Variants in PID1 observed in about 807,000 individuals in gnomAD.
PID1 encodes PTB-containing, cubilin and LRP1-interacting protein.
In PID1, 10 loss-of-function variants were observed where a neutral mutation model predicts 19.1. The ratio of observed to expected loss-of-function variants is 0.52; its 90% CI spans 0.32 to 0.89. The LOEUF (loss-of-function observed/expected upper bound fraction) is 0.89. Among genes scored for constraint, PID1 ranks in the 40% least tolerant of loss-of-function variants. The probability of loss-of-function intolerance (pLI) is 0.03; values close to 1 mark genes in which losing one functional copy is unlikely to be tolerated. For synonymous variants in PID1, 130 were observed against 116.0 expected (o/e 1.12, Z -0.78); for missense variants, 248 against 285.3 (o/e 0.87, Z 0.94).
In PID1 at chr2:229,205,989, C is replaced by A. The variant is rs535936875; in HGVS notation, c.31-50025G>T. Reference sequence around the variant, plus strand: ...CCTGACAAATAAGAGACAAATTATGCCCCGTGAGAAAACTTGGAGAATGAA... The same window carrying A: ...CCTGACAAATAAGAGACAAATTATGACCCGTGAGAAAACTTGGAGAATGAA... On this transcript the variant is annotated intron_variant, in intron 1 of 2. Coordinates refer to ENST00000392055, the MANE Select transcript of PID1 (RefSeq NM_001100818.2). Among the ~76,000 whole-genome samples the A allele has an allele frequency of 3.0e-4, 46 of 152,178 alleles. No homozygotes were observed. The South Asian group carries it at 5.6e-3, about 19-fold the overall frequency.
intron 1 of PID1, among the ~76,000 whole-genome samples, chr2:229,173,492 C>T (rs1690751675): frequency 6.6e-6 from 1 of 152,160 alleles, no homozygotes; most frequent in Non-Finnish European, 1.5e-5. Flanking sequence ...AATCCTACTG[C>T]TGGGTTATTC....
intron 2 of PID1, among the ~76,000 whole-genome samples, chr2:229,103,779 A>T (rs1038509709): frequency 1.3e-5 from 2 of 151,886 alleles, no homozygotes; most frequent in Non-Finnish European, 2.9e-5. Flanking sequence ...GGCTTTCACC[A>T]TCTTGGCCAG....
At chr2:229,233,776 G>A (rs1391019110) in intron 1 of PID1, among the ~76,000 whole-genome samples, 2 of 152,188 alleles carry the variant, frequency 1.3e-5, no homozygotes, top group Admixed American at 6.5e-5. Context: ...ACAGGTGTGA[G>A]CCACCACACC....
At chr2:229,234,326 T>C (rs993728671) in intron 1 of PID1, among the ~76,000 whole-genome samples, 1 of 151,008 alleles carries the variant, frequency 6.6e-6, no homozygotes, top group African/African-American at 2.4e-5. Context: ...GTGGGTCCAG[T>C]GTAATTCAAG....
chr2:229,139,146 A>AAAGCAAGCAAGC (rs1273377953), intron 2 of PID1, among the ~76,000 whole-genome samples: 9 of 109,036 alleles, frequency 8.3e-5, no homozygotes, highest in African/African-American at 3.3e-4. Context: ...AGAAAGAAAG[A>AAAGCAAGCAAGC]AAGCAAGCGA....
chr2:229,207,305 G>A (rs1436280027), intron 1 of PID1, among the ~76,000 whole-genome samples: 2 of 151,832 alleles, frequency 1.3e-5, no homozygotes, highest in Non-Finnish European at 2.9e-5. Flanking sequence ...ATAAAACCAT[G>A]AGGCCATAAG....
chr2:229,086,171 T>C (rs2106214907), intron 2 of PID1, among the ~76,000 whole-genome samples: 1 of 152,234 alleles, frequency 6.6e-6, no homozygotes, highest in Middle Eastern at 3.4e-3. Flanking sequence ...AAATTTCTAT[T>C]ACAGAAGCTC....
chr2:229,233,002 A>G (rs759511438), intron 1 of PID1, among the ~76,000 whole-genome samples: 7 of 152,104 alleles, frequency 4.6e-5, no homozygotes, highest in Non-Finnish European at 7.4e-5. Flanking sequence ...AAACAAGTGA[A>G]CAAGTGTGTG....
chr2:229,168,923 C>T (rs566607409), intron 1 of PID1, among the ~76,000 whole-genome samples: 1 of 152,284 alleles, frequency 6.6e-6, no homozygotes, highest in Admixed American at 6.5e-5. Context: ...CTAGCATTAG[C>T]TTGTCCTTAA....
chr2:229,243,941 A>G (rs1689938405), intron 1 of PID1, among the ~76,000 whole-genome samples: 1 of 152,046 alleles, frequency 6.6e-6, no homozygotes. Flanking sequence ...TTAAAAAATC[A>G]TCTTATCTTG....
At chr2:229,098,218 G>C (rs1399697635) in intron 2 of PID1, among the ~76,000 whole-genome samples, 2 of 152,138 alleles carry the variant, frequency 1.3e-5, no homozygotes, top group Non-Finnish European at 2.9e-5. Flanking sequence ...AAAGAAGCTT[G>C]GACAATTATC....
intron 1 of PID1, among the ~76,000 whole-genome samples, chr2:229,263,816 C>A (rs1190221104): frequency 6.6e-6 from 1 of 152,198 alleles, no homozygotes; most frequent in Non-Finnish European, 1.5e-5. Context: ...GACCCTACAA[C>A]CAGTCTGCTG....
At chr2:229,243,633 G>A (rs1454422905) in intron 1 of PID1, among the ~76,000 whole-genome samples, 1 of 152,026 alleles carries the variant, frequency 6.6e-6, no homozygotes, top group Non-Finnish European at 1.5e-5. Flanking sequence ...CATTCTACAG[G>A]TACGTGGCAT....
intron 1 of PID1, among the ~76,000 whole-genome samples, chr2:229,266,485 CA>C (rs920719656): frequency 1.3e-5 from 2 of 152,192 alleles, no homozygotes; most frequent in South Asian, 2.1e-4. Flanking sequence ...CCCACTGCTT[CA>C]GCAAGAAATA....
rs1222690402 is a variant in PID1 at position 229,092,215 on chromosome 2, T to C, written c.177+63603A>G. ...TCAGTTCAATCTTTAAGCATTTCTT[T>C]AGTGCCTGGTCATCCAAGGGTCTCC... is the stretch of plus-strand genomic sequence containing the variant. On this transcript the variant is annotated intron_variant, in intron 2 of 2. Coordinates refer to ENST00000392055, the MANE Select transcript of PID1 (RefSeq NM_001100818.2). 2.7e-5 allele frequency among the ~76,000 whole-genome samples: 3 copies of C among 112,070 alleles called. 1 individual carries two copies. The highest frequency in any genetic ancestry group is 5.1e-5 in the Non-Finnish European group (3 of 58,974). 73.5% of individuals were successfully genotyped at this position (112,070 alleles called of 152,430 possible).
chr2:229,225,821 C>T (rs1352935851), intron 1 of PID1, among the ~76,000 whole-genome samples: 1 of 152,090 alleles, frequency 6.6e-6, no homozygotes, highest in Non-Finnish European at 1.5e-5. Flanking sequence ...CCCTATAAAA[C>T]CATCAGATCT....
Position 229,223,971 on chromosome 2 carries a change from T to G in PID1, c.30+47043A>C, listed in dbSNP as rs552760681. Among the ~76,000 whole-genome samples, 17 of 152,292 alleles carry G rather than the reference T, an allele frequency of 1.1e-4. No individual in the cohort carries two copies. The South Asian group carries it at 3.3e-3, about 30-fold the overall frequency. ...TTTGAAGACCCCAGTCTCTACTGTTTCCACCTTTATGTCCATATGTACCCA... is the reference window on the plus strand; with the variant it reads ...TTTGAAGACCCCAGTCTCTACTGTTGCCACCTTTATGTCCATATGTACCCA... On this transcript the variant is annotated intron_variant, in intron 1 of 2. Coordinates refer to ENST00000392055, the MANE Select transcript of PID1 (RefSeq NM_001100818.2).
chr2:229,064,406 A>C (rs2106195710), intron 2 of PID1, among the ~76,000 whole-genome samples: 1 of 152,196 alleles, frequency 6.6e-6, no homozygotes, highest in Admixed American at 6.5e-5. Context: ...TAGGAAGAAA[A>C]ATGATGAATT....
rs564489669 is a variant in PID1, at chr2:229,224,126, T to C, written c.30+46888A>G. On this transcript the variant is annotated intron_variant, in intron 1 of 2. Coordinates refer to ENST00000392055, the MANE Select transcript of PID1 (RefSeq NM_001100818.2). Reference sequence around the variant, plus strand: ...AAGGACAGGATTTCATTCATTTGTATGGCTATGTAGTATTCCAAGGTCAGA... The same window carrying C: ...AAGGACAGGATTTCATTCATTTGTACGGCTATGTAGTATTCCAAGGTCAGA... 7.9e-5 allele frequency among the ~76,000 whole-genome samples: 12 copies of C among 152,344 alleles called. No homozygotes were observed. The East Asian group carries it at 1.7e-3, about 22-fold the overall frequency.
Sources: gnomAD v4.1 joint callset for allele counts (sites outside exome capture counted in the v4.1 genomes callset) on GRCh38, gnomAD v4.1.1 for gene constraint, MANE v1.5 for transcripts, NCBI Gene and HGNC (gene_info 2026-07-23, HGNC 2026-07-21) for gene names.